SGCZ: variants seen among roughly 807,000 people sequenced by gnomAD.
The protein encoded by SGCZ is zeta-sarcoglycan.
SGCZ carries 40 observed loss-of-function variants against 41.3 expected under a neutral mutation model. The observed-to-expected ratio is 0.97, with a 90% CI of 0.75 to 1.26. The LOEUF (loss-of-function observed/expected upper bound fraction) is 1.26, where lower values mean the gene tolerates loss of function less well. SGCZ is among the 50% of genes most tolerant of loss of function. The probability of loss-of-function intolerance (pLI) is 0.00; values close to 1 mark genes in which losing one functional copy is unlikely to be tolerated. For synonymous variants in SGCZ, 206 were observed against 137.5 expected (o/e 1.50, Z -3.49); for missense variants, 552 against 369.8 (o/e 1.49, Z -4.04).
rs538674700 is a variant in SGCZ at position 14,516,670 on chromosome 8, G to C, written c.234+38062C>G. 2.6e-5 allele frequency among the ~76,000 whole-genome samples: 4 copies of C among 152,078 alleles called. No individual in the cohort carries two copies. In the South Asian group the frequency reaches 8.3e-4, roughly 32 times the overall value. On this transcript the variant is annotated intron_variant, in intron 2 of 7. Transcript: ENST00000382080. ...AAAAAGCATCCCATAAAGTTGATTT[G>C]CTCTAACTGTTTTTCATATGAAGTG... is the stretch of plus-strand genomic sequence containing the variant.
intron 1 of SGCZ, among the ~76,000 whole-genome samples, chr8:14,998,946 G>A (rs1420163126): frequency 6.6e-6 from 1 of 152,158 alleles, no homozygotes; most frequent in Non-Finnish European, 1.5e-5. Context: ...TCTGTTTTAG[G>A]ATTAAAAGCA....
At chr8:14,517,694 C>T (rs570632554) in intron 2 of SGCZ, among the ~76,000 whole-genome samples, 12 of 151,878 alleles carry the variant, frequency 7.9e-5, no homozygotes, top group East Asian at 5.8e-4. Flanking sequence ...TTTTGGCATA[C>T]GCATTTTTAG....
intron 1 of SGCZ, among the ~76,000 whole-genome samples, chr8:14,844,555 G>A (rs1332768826): frequency 1.3e-5 from 2 of 152,114 alleles, no homozygotes; most frequent in Non-Finnish European, 2.9e-5. Flanking sequence ...TAGTATGCGG[G>A]CTCCTCTCAT....
chr8:14,143,826 T>C (rs1803444357), intron 5 of SGCZ, among the ~76,000 whole-genome samples: 1 of 151,980 alleles, frequency 6.6e-6, no homozygotes, highest in Non-Finnish European at 1.5e-5. Flanking sequence ...GGAGAATGAC[T>C]CTCAGTGCTG....
chr8:14,995,707 A>C lies in SGCZ; in HGVS notation c.39+241878T>G, dbSNP rs185621447. Among the ~76,000 whole-genome samples, 147 of 152,322 alleles carry C rather than the reference A, an allele frequency of 9.7e-4. 1 individual carries two copies. The highest frequency in any genetic ancestry group is 3.2e-3 in the African/African-American group (134 of 41,576). ...CTTAAGTTCAGCGTCTTCACATGTAAAATAGCATAATAACAACTGTATCTT... is the reference window on the plus strand; with the variant it reads ...CTTAAGTTCAGCGTCTTCACATGTACAATAGCATAATAACAACTGTATCTT... On this transcript the variant is annotated intron_variant, in intron 1 of 7. Transcript: ENST00000382080.
intron 1 of SGCZ, among the ~76,000 whole-genome samples, chr8:15,007,968 C>G (rs1038851961): frequency 6.6e-6 from 1 of 152,068 alleles, no homozygotes; most frequent in Non-Finnish European, 1.5e-5. Context: ...CATTTCCATA[C>G]AAAATATTAA....
intron 1 of SGCZ, among the ~76,000 whole-genome samples, chr8:14,965,364 T>A (rs1183902258): frequency 6.6e-6 from 1 of 152,138 alleles, no homozygotes; most frequent in African/African-American, 2.4e-5. Context: ...GGGATTTGAC[T>A]GGTGCATATT....
chr8:15,099,408 T>C (rs1183950699), intron 1 of SGCZ, among the ~76,000 whole-genome samples: 2 of 152,166 alleles, frequency 1.3e-5, no homozygotes, highest in Non-Finnish European at 2.9e-5. Context: ...GAAAAAATAC[T>C]TTACCAAAAC....
intron 1 of SGCZ, among the ~76,000 whole-genome samples, chr8:15,109,819 T>C (rs1478964202): frequency 6.6e-6 from 1 of 152,148 alleles, no homozygotes; most frequent in East Asian, 1.9e-4. Flanking sequence ...ATTGCAGAAA[T>C]AGATATGGTT....
chr8:14,749,723 T>A (rs1799443970), intron 1 of SGCZ, among the ~76,000 whole-genome samples: 1 of 152,178 alleles, frequency 6.6e-6, no homozygotes, highest in Non-Finnish European at 1.5e-5. Flanking sequence ...GCAGTAAGTT[T>A]TTTTTTAAAT....
intron 1 of SGCZ, among the ~76,000 whole-genome samples, chr8:14,649,152 T>C (rs1289052864): frequency 6.6e-6 from 1 of 152,106 alleles, no homozygotes; most frequent in Non-Finnish European, 1.5e-5. Context: ...TATTAGAAAA[T>C]TGCTTTCCAA....
chr8:14,207,260 G>A (rs980392028), intron 4 of SGCZ, among the ~76,000 whole-genome samples: 4 of 119,500 alleles, frequency 3.3e-5, no homozygotes, highest in African/African-American at 1.3e-4. Flanking sequence ...CAATTTAAAT[G>A]TAACAATTTG....
chr8:14,970,785 T>G (rs1801266367), intron 1 of SGCZ, among the ~76,000 whole-genome samples: 1 of 152,174 alleles, frequency 6.6e-6, no homozygotes, highest in African/African-American at 2.4e-5. Flanking sequence ...TACTTTAGTT[T>G]TGTCCATTTC....
intron 2 of SGCZ, among the ~76,000 whole-genome samples, chr8:14,366,903 C>T (rs1327516843): frequency 6.6e-6 from 1 of 152,150 alleles, no homozygotes; most frequent in African/African-American, 2.4e-5. Context: ...AGGTCTGTAA[C>T]ATACCCTGGA....
chr8:14,418,315 G>A (rs1454848941), intron 2 of SGCZ, among the ~76,000 whole-genome samples: 1 of 151,892 alleles, frequency 6.6e-6, no homozygotes, highest in African/African-American at 2.4e-5. Flanking sequence ...AGTAGAAAAT[G>A]GGTTGGGTCT....
chr8:14,949,823 G>A (rs186570154), intron 1 of SGCZ, among the ~76,000 whole-genome samples: 1 of 152,012 alleles, frequency 6.6e-6, no homozygotes, highest in Non-Finnish European at 1.5e-5. Context: ...AGTAATAAAG[G>A]TTTATAGTCA....
chr8:15,016,130 C>A (rs1803024092), intron 1 of SGCZ, among the ~76,000 whole-genome samples: 1 of 152,128 alleles, frequency 6.6e-6, no homozygotes, highest in African/African-American at 2.4e-5. Flanking sequence ...TCCAGGGACT[C>A]TATTCTTTTG....
At chr8:14,208,924 T>C (rs1805706039) in intron 4 of SGCZ, among the ~76,000 whole-genome samples, 2 of 152,110 alleles carry the variant, frequency 1.3e-5, no homozygotes, top group Non-Finnish European at 2.9e-5. Context: ...CCCAAATTAT[T>C]TCCATTTCTA....
At chr8:15,113,207 CA>C (rs59453647) in intron 1 of SGCZ, among the ~76,000 whole-genome samples, 79,676 of 127,930 alleles carry the variant, frequency 0.62, 22,709 homozygotes, top group Admixed American at 0.69. Flanking sequence ...AGACCTGGCT[CA>C]AAAAAAAAAA....
Sources: allele counts gnomAD v4.1 joint callset (sites outside exome capture counted in the v4.1 genomes callset), GRCh38; gene constraint gnomAD v4.1.1; transcripts MANE v1.5; gene names NCBI Gene and HGNC (gene_info 2026-07-23, HGNC 2026-07-21).